ROS1: variants seen among roughly 807,000 people sequenced by gnomAD.
The protein encoded by ROS1 is proto-oncogene tyrosine-protein kinase ROS.
In ROS1, 263 loss-of-function variants were observed where a neutral mutation model predicts 273.5. The ratio of observed to expected loss-of-function variants is 0.96; its 90% CI spans 0.87 to 1.06. The LOEUF (loss-of-function observed/expected upper bound fraction) is 1.06. ROS1 is among the 50% of genes least tolerant of loss of function. ROS1 has a pLI of 0.00. For missense variants in ROS1, 2,833 were observed against 2,751.1 expected (o/e 1.03, Z -0.67); for synonymous variants, 1,008 against 954.1 (o/e 1.06, Z -1.04).
chr6:117,360,080 T>G, intron 23 of ROS1, 69 bp from the exon 24 acceptor site: 1 of 1,288,410 alleles, frequency 7.8e-7, no homozygotes, highest in Non-Finnish European at 1.1e-6. Context: ...AGTCTCGATT[T>G]AATATCTGGC....
chr6:117,416,192 C>A, intron 3 of ROS1, 66 bp downstream of exon 3: 1 of 961,128 alleles, frequency 1.0e-6, no homozygotes, highest in South Asian at 1.3e-5. Flanking sequence ...AAATGGGAAT[C>A]CTCTTACACA....
chr6:117,334,131 A>G (rs2128608351), intron 32 of ROS1, among the ~76,000 whole-genome samples: 1 of 152,352 alleles, frequency 6.6e-6, no homozygotes, highest in Admixed American at 6.5e-5. Context: ...TGAACTGATA[A>G]GCAACTTCAG....
rs3086754 is a variant in ROS1 at position 117,287,917 on chromosome 6, CAAA to C, written c.*572_*574del. 0.33 allele frequency among the ~76,000 whole-genome samples: 42,724 copies of C among 129,496 alleles called. 8,002 individuals are homozygous for C. Among genetic ancestry groups the C allele is most frequent in the African/African-American group, 0.56 (20,143 of 36,214 alleles). The allele number at this position is 129,496 out of a possible 152,430, so 85.0% of individuals were successfully genotyped here. Reference sequence around the variant, plus strand: ...TGGGCAACAGAGCAAGACTTCGTCTCAAAAAAAAAAAAAAAAAATTAAAAAAAG... The same window carrying C: ...TGGGCAACAGAGCAAGACTTCGTCTCAAAAAAAAAAAAAAATTAAAAAAAG... On this transcript the variant is annotated 3_prime_UTR_variant, in exon 44 of 44. Transcript: ENST00000368507.
intron 35 of ROS1, 70 bp downstream of exon 35, chr6:117,324,262 A>G: frequency 1.3e-6 from 1 of 750,906 alleles, no homozygotes; most frequent in Non-Finnish European, 2.3e-6. Flanking sequence ...AGATCAACTA[A>G]GAGATAAATC....
At chr6:117,305,265 A>G (rs1362785568) in intron 42 of ROS1, among the ~76,000 whole-genome samples, 1 of 152,074 alleles carries the variant, frequency 6.6e-6, no homozygotes, top group Non-Finnish European at 1.5e-5. Context: ...AAATCAAGAT[A>G]CTTAGTGAGA....
At chr6:117,333,152 A>C (rs1290287517) in intron 32 of ROS1, among the ~76,000 whole-genome samples, 1 of 152,176 alleles carries the variant, frequency 6.6e-6, no homozygotes, top group African/African-American at 2.4e-5. Flanking sequence ...ACACAAAAAA[A>C]ATGATAAAGG....
chr6:117,341,723 G>A (rs2128622947), intron 29 of ROS1, 91 bp from the exon 30 acceptor site: 1 of 894,990 alleles, frequency 1.1e-6, no homozygotes, highest in Non-Finnish European at 1.8e-6. Flanking sequence ...GAGTAATCAT[G>A]TGGTATGAGC....
At position 117,362,846 on chromosome 6, in the gene ROS1, GT is replaced by G. The variant is rs1279603244; in HGVS notation, c.3122del (p.Asn1041ThrfsTer34). 6.2e-7 allele frequency: 1 copy of G among 1,612,250 alleles called. No individual in the cohort carries two copies. ...APETVPSAPENPRIFILPSGK... is the reference protein window; with the variant it reads ...APETVPSAPEXPRIFILPSGK... ...CACTTGGTAATATAAATATTCTGGG[GT>G]TCTCTGGTGCTGATGGAACTGAAAA... On this transcript the variant is annotated frameshift_variant, in exon 22 of 44. Transcript: ENST00000368507. LOFTEE classifies it high-confidence loss of function.
Position 117,373,460 on chromosome 6 carries a change from C to T in ROS1, c.2582+5599G>A, listed in dbSNP as rs576470915. Among the ~76,000 whole-genome samples, 8 of 152,368 alleles carry T rather than the reference C, an allele frequency of 5.3e-5. No individual in the cohort carries two copies. In the East Asian group the frequency reaches 1.4e-3, roughly 26 times the overall value. ...GAGGCGCTGAGGCCCGGCGAGAATTCGAGCATGGCGCGGGCAGGCCAGCAG... is the reference window on the plus strand; with the variant it reads ...GAGGCGCTGAGGCCCGGCGAGAATTTGAGCATGGCGCGGGCAGGCCAGCAG... On this transcript the variant is annotated intron_variant, in intron 18 of 43. Coordinates refer to ENST00000368507, the MANE Select transcript of ROS1 (RefSeq NM_001378902.1).
intron 42 of ROS1, among the ~76,000 whole-genome samples, chr6:117,304,158 G>C (rs1774934871): frequency 6.6e-6 from 1 of 152,136 alleles, no homozygotes; most frequent in Admixed American, 6.5e-5. Context: ...TCATATCTGA[G>C]AAATAACCAA....
At chr6:117,326,496 G>A (rs2128582677) in intron 33 of ROS1, 82 bp from the exon 34 acceptor site, 1 of 832,698 alleles carries the variant, frequency 1.2e-6, no homozygotes, top group East Asian at 3.1e-5. Flanking sequence ...CTTAGTGACT[G>A]AACGCCAGAG....
chr6:117,352,133 A>G (rs2213830), intron 27 of ROS1, among the ~76,000 whole-genome samples: 1 of 152,238 alleles, frequency 6.6e-6, no homozygotes. Context: ...CAGGCTGGAG[A>G]GCAGTGGCGC....
chr6:117,419,444 T>A (rs1775586291), intron 1 of ROS1, among the ~76,000 whole-genome samples: 2 of 152,078 alleles, frequency 1.3e-5, no homozygotes, highest in Non-Finnish European at 1.5e-5. Context: ...GAAGCATGAG[T>A]GAGGATTCCT....
At chr6:117,386,081 G>A (rs1772556845) in intron 15 of ROS1, among the ~76,000 whole-genome samples, 1 of 152,198 alleles carries the variant, frequency 6.6e-6, no homozygotes, top group Non-Finnish European at 1.5e-5. Context: ...TCTCCTCTTT[G>A]CCAAACATTG....
chr6:117,407,829 A>G (rs1774545477), intron 5 of ROS1, among the ~76,000 whole-genome samples: 1 of 152,238 alleles, frequency 6.6e-6, no homozygotes, highest in Non-Finnish European at 1.5e-5. Context: ...ACAATGCTAC[A>G]GTAACCAAAA....
chr6:117,333,804 T>A (rs1236938992), intron 32 of ROS1, among the ~76,000 whole-genome samples: 1 of 151,716 alleles, frequency 6.6e-6, no homozygotes, highest in Non-Finnish European at 1.5e-5. Context: ...TCCCTTTATG[T>A]TAAAAACTCT....
intron 18 of ROS1, among the ~76,000 whole-genome samples, chr6:117,374,587 A>T (rs1781161486): frequency 6.6e-6 from 1 of 152,224 alleles, no homozygotes. Context: ...ATGACAAAGA[A>T]CCCAAAATCA....
chr6:117,396,087 G>A (rs982359231), intron 9 of ROS1, 101 bp downstream of exon 9: 66 of 657,520 alleles, frequency 1.0e-4, no homozygotes, highest in Non-Finnish European at 1.6e-4. Context: ...GGCAGAAGAG[G>A]TGGGTCTTGA....
At chr6:117,296,783 C>T (rs1221103094) in intron 43 of ROS1, among the ~76,000 whole-genome samples, 1 of 151,980 alleles carries the variant, frequency 6.6e-6, no homozygotes, top group African/African-American at 2.4e-5. Flanking sequence ...TTTAATTGTA[C>T]ATTTTAAAAT....
Sources: allele counts gnomAD v4.1 joint callset (sites outside exome capture counted in the v4.1 genomes callset), GRCh38; gene constraint gnomAD v4.1.1; transcripts MANE v1.5; gene names NCBI Gene and HGNC (gene_info 2026-07-23, HGNC 2026-07-21).